Variants in PAIP1 observed in about 807,000 individuals in gnomAD.
The protein encoded by PAIP1 is poly(A) binding protein interacting protein 1.
In PAIP1, 16 loss-of-function variants were observed where a neutral mutation model predicts 61.3. The ratio of observed to expected loss-of-function variants is 0.26; its 90% CI spans 0.18 to 0.40. The LOEUF (loss-of-function observed/expected upper bound fraction) is 0.40. Ranked by LOEUF, PAIP1 falls within the 10% of genes least tolerant of loss-of-function variation. The probability of loss-of-function intolerance (pLI) is 1.00; values close to 1 mark genes in which losing one functional copy is unlikely to be tolerated. For missense variants in PAIP1, 416 were observed against 600.9 expected, an observed-to-expected ratio of 0.69 and a Z score of 3.22; for synonymous variants, 187 against 226.2, an observed-to-expected ratio of 0.83 and a Z score of 1.56.
At chr5:43,541,352 C>T (rs1262842007) in intron 4 of PAIP1, among the ~76,000 whole-genome samples, 3 of 134,400 alleles carry the variant, frequency 2.2e-5, no homozygotes, top group Non-Finnish European at 4.7e-5. Context: ...TGAGGTTTCA[C>T]CATGTTAGCC....
rs1748070079 is a variant in PAIP1 at position 43,556,302 on chromosome 5, G to A, written c.265+280C>T. 8.0e-6 allele frequency: 10 copies of A among 1,247,850 alleles called. 1 individual carries two copies. In the African/African-American group the frequency reaches 1.1e-4, roughly 14 times the overall value. The allele number at this position is 1,247,850 out of a possible 1,614,324, so 77.3% of individuals were successfully genotyped here. ...TACTCGCTAGGGTCTCGCTTTAGAG[G>A]GCTGCTGAGGGGAGGCGATTTTTAC... On this transcript the variant is annotated intron_variant, in intron 1 of 10. Coordinates refer to ENST00000306846, the MANE Select transcript of PAIP1 (RefSeq NM_006451.5).
rs778186729 is a variant in PAIP1 at position 43,538,907 on chromosome 5, A to G, written c.846+17T>C. On this transcript the variant is annotated intron_variant, in intron 5 of 10. Transcript: ENST00000306846. ...TCTCAGGCCTTGTTAGTACTTAACA[A>G]AAGAAAAACTTCTCACCTCCAGGTT... 3.2e-5 allele frequency: 44 copies of G among 1,392,494 alleles called. No individual in the cohort carries two copies. The highest frequency in any genetic ancestry group is 6.8e-5 in the East Asian group (3 of 43,800). 86.3% of individuals were successfully genotyped at this position (1,392,494 alleles called of 1,614,324 possible). A position where few individuals can be genotyped will look rare whatever the true frequency, so the allele number is the denominator to read the frequency against.
intron 9 of PAIP1, among the ~76,000 whole-genome samples, 196 bp downstream of exon 9, chr5:43,533,542 T>A (rs1159139269): frequency 6.6e-6 from 1 of 152,236 alleles, no homozygotes; most frequent in East Asian, 1.9e-4. Context: ...ATATGTGGAA[T>A]CATACTTTCA....
intron 1 of PAIP1, 123 bp from the exon 2 acceptor site, chr5:43,556,122 AT>A: frequency 2.1e-6 from 3 of 1,445,786 alleles, no homozygotes; most frequent in Non-Finnish European, 1.8e-6. Flanking sequence ...CCATCATGAA[AT>A]TTATGGTTAT....
intron 3 of PAIP1, 131 bp downstream of exon 3, chr5:43,547,597 A>T (rs1747691320): frequency 3.2e-6 from 2 of 620,254 alleles, no homozygotes; most frequent in Admixed American, 3.0e-5. Context: ...CAGACTTAGA[A>T]CTCCCGGAAA....
At chr5:43,550,645 GTAGT>G (rs1387446830) in intron 2 of PAIP1, among the ~76,000 whole-genome samples, 2 of 150,942 alleles carry the variant, frequency 1.3e-5, no homozygotes, top group East Asian at 1.9e-4. Flanking sequence ...CAGGCACAGA[GTAGT>G]TAAGTCACTT....
At chr5:43,536,710 TTTACC>T in intron 6 of PAIP1, 104 bp downstream of exon 6, 1 of 509,764 alleles carries the variant, frequency 2.0e-6, no homozygotes, top group Non-Finnish European at 3.4e-6. Context: ...AATGTCAATA[TTTACC>T]TTAAAGTGAT....
intron 2 of PAIP1, among the ~76,000 whole-genome samples, chr5:43,553,940 T>C (rs375171965): frequency 1.3e-5 from 2 of 152,222 alleles, no homozygotes; most frequent in South Asian, 2.1e-4. Flanking sequence ...AATTTAGGTA[T>C]TGGTTAATTA....
intron 9 of PAIP1, among the ~76,000 whole-genome samples, chr5:43,531,781 T>C (rs879088582): frequency 6.6e-6 from 1 of 152,054 alleles, no homozygotes; most frequent in African/African-American, 2.4e-5. Context: ...AATTTTACTT[T>C]TGTAACTTTT....
chr5:43,532,489 A>C (rs1579907147), intron 9 of PAIP1, among the ~76,000 whole-genome samples: 1 of 152,230 alleles, frequency 6.6e-6, no homozygotes, highest in African/African-American at 2.4e-5. Flanking sequence ...TTCCTATGAT[A>C]TCATCCTATA....
rs544492134 is a variant in PAIP1, at chr5:43,556,577, C to A, written c.265+5G>T. On this transcript the variant is annotated splice_donor_5th_base_variant and intron_variant, in intron 1 of 10. Coordinates refer to ENST00000306846, the MANE Select transcript of PAIP1 (RefSeq NM_006451.5). ...AGGACTGGGGCCCTTAGAGCTGCTC[C>A]GTACCTGGGAGCGCCCCGGGCCGGG... The A allele has an allele frequency of 7.3e-5, 92 of 1,252,002 alleles. 1 individual carries two copies. In the South Asian group the frequency reaches 2.9e-3, roughly 39 times the overall value. 77.6% of individuals were successfully genotyped at this position (1,252,002 alleles called of 1,614,324 possible).
chr5:43,555,714 TA>T, intron 2 of PAIP1, 115 bp downstream of exon 2: 2 of 738,442 alleles, frequency 2.7e-6, no homozygotes, highest in Non-Finnish European at 4.3e-6. Flanking sequence ...ACATTCACAA[TA>T]AAAAAATTTT....
At chr5:43,530,845 G>A (rs1029557190) in intron 9 of PAIP1, among the ~76,000 whole-genome samples, 53 of 152,164 alleles carry the variant, frequency 3.5e-4, no homozygotes, top group Admixed American at 2.0e-4. Flanking sequence ...GACAGATGAT[G>A]TTGGTCTCGG....
chr5:43,540,737 G>A (rs1332170760), intron 4 of PAIP1, among the ~76,000 whole-genome samples: 1 of 152,204 alleles, frequency 6.6e-6, no homozygotes, highest in East Asian at 1.9e-4. Context: ...CAGGATTACA[G>A]TACTACAGAA....
In PAIP1 at chr5:43,536,945, CT is replaced by C; in HGVS notation, c.847-2del. The C allele has an allele frequency of 6.4e-7, 1 of 1,561,790 alleles. No individual in the cohort carries two copies. The highest frequency in any genetic ancestry group is 8.6e-7 in the Non-Finnish European group (1 of 1,159,482). On this transcript the variant is annotated splice_acceptor_variant, in intron 5 of 10. Transcript: ENST00000306846. LOFTEE classifies it high-confidence loss of function. ...TAACCTGTCCATTTGTTCCCTTGAT[CT>C]TTCGGGACCAAAAAAAAGAACAAAA...
intron 1 of PAIP1, chr5:43,556,259 C>G (rs1579933089): frequency 7.8e-7 from 1 of 1,275,240 alleles, no homozygotes; most frequent in South Asian, 3.0e-5. Context: ...TTAAAGGGGT[C>G]GGTGGAAAAG....
chr5:43,532,395 T>C (rs986565149), intron 9 of PAIP1, among the ~76,000 whole-genome samples: 1 of 152,048 alleles, frequency 6.6e-6, no homozygotes, highest in African/African-American at 2.4e-5. Flanking sequence ...TTACATAGTA[T>C]ACAACAAAGG....
At chr5:43,546,683 C>G (rs1242930171) in intron 3 of PAIP1, among the ~76,000 whole-genome samples, 1 of 152,018 alleles carries the variant, frequency 6.6e-6, no homozygotes, top group Non-Finnish European at 1.5e-5. Context: ...TTTGACCAGT[C>G]TCACACTGAC....
intron 2 of PAIP1, among the ~76,000 whole-genome samples, chr5:43,555,145 G>C (rs527328507): frequency 2.0e-5 from 3 of 152,156 alleles, no homozygotes; most frequent in African/African-American, 4.8e-5. Flanking sequence ...GTGGGTTTTC[G>C]GGATGTTGAT....
Sources: gnomAD v4.1 joint callset for allele counts (sites outside exome capture counted in the v4.1 genomes callset) on GRCh38, gnomAD v4.1.1 for gene constraint, MANE v1.5 for transcripts, NCBI Gene and HGNC (gene_info 2026-07-23, HGNC 2026-07-21) for gene names.